XRCC4: variants seen among roughly 807,000 people sequenced by gnomAD.
The protein encoded by XRCC4 is DNA repair protein XRCC4.
In XRCC4, 28 loss-of-function variants were observed where a neutral mutation model predicts 39.1. That is an observed-to-expected ratio of 0.72 (90% CI 0.53 to 0.98). XRCC4 has a LOEUF of 0.98. Ranked by LOEUF, XRCC4 falls within the 50% of genes least tolerant of loss-of-function variation. The pLI is 0.00. For synonymous variants in XRCC4, 123 were observed against 126.4 expected, an observed-to-expected ratio of 0.97 and a Z score of 0.18; for missense variants, 350 against 376.4, an observed-to-expected ratio of 0.93 and a Z score of 0.58.
chr5:83,097,154 G>T (rs1025832169), intron 1 of XRCC4, among the ~76,000 whole-genome samples: 3 of 152,160 alleles, frequency 2.0e-5, no homozygotes, highest in Non-Finnish European at 4.4e-5. Context: ...CTGAGAAATT[G>T]AAGCGTGGGA....
intron 1 of XRCC4, among the ~76,000 whole-genome samples, chr5:83,099,839 C>CA (rs1345381557): frequency 6.6e-6 from 1 of 152,178 alleles, no homozygotes; most frequent in Non-Finnish European, 1.5e-5. Flanking sequence ...CCCGTTTCTT[C>CA]AAGTAGTCTT....
At chr5:83,323,314 T>A (rs1271539892) in intron 7 of XRCC4, among the ~76,000 whole-genome samples, 1 of 152,138 alleles carries the variant, frequency 6.6e-6, no homozygotes, top group Non-Finnish European at 1.5e-5. Context: ...AAAAAGTATA[T>A]GGCTGTAAAG....
chr5:83,289,108 C>T (rs1451669097), intron 7 of XRCC4, among the ~76,000 whole-genome samples: 1 of 151,840 alleles, frequency 6.6e-6, no homozygotes, highest in Non-Finnish European at 1.5e-5. Context: ...TGATTTCTAG[C>T]ATTTCATTTT....
chr5:83,113,873 G>C (rs940733696), intron 3 of XRCC4, among the ~76,000 whole-genome samples: 2 of 152,238 alleles, frequency 1.3e-5, no homozygotes, highest in South Asian at 4.1e-4. Context: ...TGATCCGCCC[G>C]CCTCAGCCCC....
rs191096398 is a variant in XRCC4 at position 83,339,211 on chromosome 5, A to G, written c.894-13920A>G. 1.6e-3 allele frequency among the ~76,000 whole-genome samples: 247 copies of G among 152,330 alleles called. 2 individuals are homozygous for G. Among genetic ancestry groups the G allele is most frequent in the African/African-American group, 5.7e-3 (236 of 41,576 alleles). Reference sequence around the variant, plus strand: ...TTAATTCAAAATCAAAAGTGACAGAATTTTATAGATTATTTCCATCTGACT... The same window carrying G: ...TTAATTCAAAATCAAAAGTGACAGAGTTTTATAGATTATTTCCATCTGACT... On this transcript the variant is annotated intron_variant, in intron 7 of 7. Coordinates refer to ENST00000396027, the MANE Select transcript of XRCC4 (RefSeq NM_003401.5).
intron 1 of XRCC4, among the ~76,000 whole-genome samples, chr5:83,093,901 G>A (rs377081006): frequency 2.0e-5 from 3 of 151,970 alleles, no homozygotes; most frequent in African/African-American, 4.8e-5. Context: ...ATTTTTTTAC[G>A]CCCCATCCCC....
At chr5:83,322,697 G>A (rs541100929) in intron 7 of XRCC4, among the ~76,000 whole-genome samples, 116 of 152,166 alleles carry the variant, frequency 7.6e-4, no homozygotes, top group Non-Finnish European at 1.3e-3. Flanking sequence ...CAGAGAAGAA[G>A]GCAAAGTGAC....
intron 7 of XRCC4, among the ~76,000 whole-genome samples, chr5:83,286,953 T>C (rs1003947083): frequency 7.2e-5 from 11 of 152,082 alleles, no homozygotes; most frequent in Non-Finnish European, 1.5e-4. Flanking sequence ...GGTGACCTTT[T>C]GGACAAATAA....
In XRCC4 at chr5:83,086,952, A is replaced by T. The variant is rs1580197245; in HGVS notation, c.-11+9337A>T. On this transcript the variant is annotated intron_variant, in intron 1 of 7. Coordinates refer to ENST00000396027, the MANE Select transcript of XRCC4 (RefSeq NM_003401.5). ...TTCTTGAATGTTCTAATTTGGTTGA[A>T]TTTTTTTGGCCATCAGCTAAATAGA... is the stretch of plus-strand genomic sequence containing the variant. Among the ~76,000 whole-genome samples the T allele has an allele frequency of 2.0e-5, 3 of 152,196 alleles. No homozygotes were observed. In the Middle Eastern group the frequency reaches 0.01, roughly 518 times the overall value.
At chr5:83,275,585 G>A (rs1290624400) in intron 7 of XRCC4, among the ~76,000 whole-genome samples, 1 of 152,098 alleles carries the variant, frequency 6.6e-6, no homozygotes, top group South Asian at 2.1e-4. Flanking sequence ...GTGAGCCACC[G>A]CGCCCGGCCC....
intron 3 of XRCC4, among the ~76,000 whole-genome samples, chr5:83,144,928 C>G (rs1748378619): frequency 6.6e-6 from 1 of 152,170 alleles, no homozygotes; most frequent in Admixed American, 6.5e-5. Flanking sequence ...CGGAGTCTCA[C>G]TCTGTTGCCC....
chr5:83,195,774 G>T lies in XRCC4; in HGVS notation c.320G>T (p.Arg107Ile). Residue 107 changes from arginine to isoleucine, a missense_variant, in exon 4 of 8, where the codon AGA becomes ATA. Coordinates refer to ENST00000396027, the MANE Select transcript of XRCC4 (RefSeq NM_003401.5). The part of the protein sequence containing the change: ...FEKNLKDVSF[R>I]LGSFNLEKVE... ...CATGTTTTTCTTTCATTTTAGTTCAGACTTGGTTCCTTCAACCTAGAGAAA... is the reference window on the plus strand; with the variant it reads ...CATGTTTTTCTTTCATTTTAGTTCATACTTGGTTCCTTCAACCTAGAGAAA... The T allele has an allele frequency of 6.3e-7, 1 of 1,583,526 alleles. No homozygotes were observed. The highest frequency in any genetic ancestry group is 1.2e-5 in the South Asian group (1 of 85,002).
In XRCC4 at chr5:83,188,099, A is replaced by G. The variant is rs530447237; in HGVS notation, c.316-7671A>G. ...ACCACAAATTTAGCAGCTTAAAACC[A>G]TATACATTTATTAATCTCACTGTTT... On this transcript the variant is annotated intron_variant, in intron 3 of 7. Coordinates refer to ENST00000396027, the MANE Select transcript of XRCC4 (RefSeq NM_003401.5). 5.9e-5 allele frequency among the ~76,000 whole-genome samples: 9 copies of G among 152,312 alleles called. No homozygotes were observed. In the South Asian group the frequency reaches 1.9e-3, roughly 32 times the overall value.
chr5:83,131,252 G>A (rs1285357607), intron 3 of XRCC4, among the ~76,000 whole-genome samples: 1 of 152,162 alleles, frequency 6.6e-6, no homozygotes, highest in East Asian at 1.9e-4. Context: ...GGGGCAGGTT[G>A]TTCAGTTTCC....
At chr5:83,264,196 T>C (rs1248734759) in intron 7 of XRCC4, among the ~76,000 whole-genome samples, 1 of 152,188 alleles carries the variant, frequency 6.6e-6, no homozygotes, top group Non-Finnish European at 1.5e-5. Context: ...CATGCACTTT[T>C]GTTTTGAGAA....
intron 3 of XRCC4, among the ~76,000 whole-genome samples, chr5:83,134,528 C>T (rs551733191): frequency 2.0e-5 from 3 of 152,250 alleles, no homozygotes; most frequent in Admixed American, 1.3e-4. Context: ...CCAATCAGCT[C>T]TCTGTAAAAC....
At chr5:83,305,081 G>A (rs1303346526) in intron 7 of XRCC4, among the ~76,000 whole-genome samples, 3 of 151,960 alleles carry the variant, frequency 2.0e-5, no homozygotes, top group East Asian at 1.9e-4. Context: ...ATATCCTATC[G>A]GCATTTTCAA....
intron 7 of XRCC4, among the ~76,000 whole-genome samples, chr5:83,352,630 A>G (rs986607733): frequency 6.6e-6 from 1 of 152,244 alleles, no homozygotes; most frequent in Non-Finnish European, 1.5e-5. Flanking sequence ...TTCATCAGCA[A>G]CTGCTATAAA....
At chr5:83,120,505 T>A (rs1746960252) in intron 3 of XRCC4, among the ~76,000 whole-genome samples, 1 of 152,356 alleles carries the variant, frequency 6.6e-6, no homozygotes, top group Admixed American at 6.5e-5. Flanking sequence ...ATAGATCAGC[T>A]TTACATGTTT....
Sources: allele counts gnomAD v4.1 joint callset (sites outside exome capture counted in the v4.1 genomes callset), GRCh38; gene constraint gnomAD v4.1.1; transcripts MANE v1.5; gene names NCBI Gene and HGNC (gene_info 2026-07-23, HGNC 2026-07-21).